Variants in DLGAP1 observed in about 807,000 individuals in gnomAD.
The protein encoded by DLGAP1 is DLG associated protein 1, also known as disks large-associated protein 1.
Under a neutral mutation model 90.8 loss-of-function variants are expected in DLGAP1, and 11 were observed. That is an observed-to-expected ratio of 0.12 (90% CI 0.08 to 0.20). The LOEUF is 0.20. DLGAP1 is among the 10% of genes least tolerant of loss of function. The pLI, the probability that DLGAP1 is intolerant of heterozygous loss-of-function variation, is 1.00. For missense variants in DLGAP1, 1,050 were observed against 1,333.8 expected (o/e 0.79, Z 3.31); for synonymous variants, 558 against 540.7 (o/e 1.03, Z -0.44).
In DLGAP1 at chr18:3,580,668, C is replaced by G. The variant is rs560913794; in HGVS notation, c.1965+1207G>C. 369 of 1,609,218 alleles carry G rather than the reference C, an allele frequency of 2.3e-4. 4 individuals carry two copies. The South Asian group carries it at 3.8e-3, about 17-fold the overall frequency. Reference sequence around the variant, plus strand: ...CCAGAGGCGAGGAGATTGCTGGGCCCGGCCCCTGAGGACGACGGTGGCCAC... The same window carrying G: ...CCAGAGGCGAGGAGATTGCTGGGCCGGGCCCCTGAGGACGACGGTGGCCAC... On this transcript the variant is annotated intron_variant, in intron 8 of 12. Coordinates refer to ENST00000315677, the MANE Select transcript of DLGAP1 (RefSeq NM_004746.4).
chr18:4,144,428 T>A (rs571118787), intron 2 of DLGAP1, among the ~76,000 whole-genome samples: 1 of 152,242 alleles, frequency 6.6e-6, no homozygotes, highest in Non-Finnish European at 1.5e-5. Flanking sequence ...AATCACTGTG[T>A]TCTCCCTCCC....
At chr18:3,762,887 G>A (rs1424145191) in intron 5 of DLGAP1, among the ~76,000 whole-genome samples, 2 of 152,164 alleles carry the variant, frequency 1.3e-5, no homozygotes, top group East Asian at 1.9e-4. Flanking sequence ...AAGGCACCCC[G>A]AATGATACTT....
chr18:3,780,950 C>T (rs2065162115), intron 5 of DLGAP1, among the ~76,000 whole-genome samples: 1 of 152,084 alleles, frequency 6.6e-6, no homozygotes, highest in Non-Finnish European at 1.5e-5. Context: ...GCTAGGACTA[C>T]AGACATGCAC....
chr18:3,756,809 G>A (rs145593733), intron 5 of DLGAP1, among the ~76,000 whole-genome samples: 438 of 151,976 alleles, frequency 2.9e-3, no homozygotes, highest in Non-Finnish European at 5.5e-3. Flanking sequence ...GATTGTAAGA[G>A]AATACTGAAG....
chr18:3,971,029 A>C (rs1174546110), intron 3 of DLGAP1, among the ~76,000 whole-genome samples: 2 of 152,266 alleles, frequency 1.3e-5, no homozygotes, highest in East Asian at 1.9e-4. Context: ...ACCACCTTCC[A>C]GTTTCACATC....
intron 7 of DLGAP1, among the ~76,000 whole-genome samples, chr18:3,618,759 A>C (rs2057980303): frequency 1.3e-5 from 2 of 149,630 alleles, no homozygotes; most frequent in African/African-American, 2.5e-5. Flanking sequence ...TAACACGGTG[A>C]AACCCCGTCT....
intron 1 of DLGAP1, among the ~76,000 whole-genome samples, chr18:4,437,863 A>T (rs2083439811): frequency 6.6e-6 from 1 of 151,930 alleles, no homozygotes; most frequent in South Asian, 2.1e-4. Context: ...ACAAATAGTA[A>T]TTAACATATA....
intron 1 of DLGAP1, among the ~76,000 whole-genome samples, chr18:4,261,767 T>C (rs2079007851): frequency 6.6e-6 from 1 of 152,166 alleles, no homozygotes; most frequent in Non-Finnish European, 1.5e-5. Context: ...TCGATGTTCC[T>C]CATGCTAAAA....
At chr18:3,884,356 T>A (rs1038177100) in intron 3 of DLGAP1, among the ~76,000 whole-genome samples, 3 of 152,224 alleles carry the variant, frequency 2.0e-5, no homozygotes, top group African/African-American at 7.2e-5. Context: ...TATGATCACA[T>A]ATAGTAGAAT....
intron 2 of DLGAP1, among the ~76,000 whole-genome samples, chr18:4,059,118 GC>G (rs1289057467): frequency 5.9e-5 from 9 of 152,188 alleles, no homozygotes; most frequent in South Asian, 2.1e-4. Context: ...TGAATAGGGG[GC>G]CCTCTGTGTG....
At chr18:4,115,784 C>T (rs1382823107) in intron 2 of DLGAP1, among the ~76,000 whole-genome samples, 2 of 152,182 alleles carry the variant, frequency 1.3e-5, no homozygotes, top group Non-Finnish European at 2.9e-5. Flanking sequence ...CATTTTCTTA[C>T]TGTGATATAG....
chr18:3,828,639 C>CAAAAAAAAAAAA (rs71368713), intron 4 of DLGAP1, among the ~76,000 whole-genome samples: 1 of 21,376 alleles, frequency 4.7e-5, no homozygotes, highest in African/African-American at 1.9e-4. Flanking sequence ...GACTCTATCT[C>CAAAAAAAAAAAA]AAAAAAAAAA....
chr18:3,808,938 A>G (rs1292094522), intron 5 of DLGAP1, among the ~76,000 whole-genome samples: 2 of 152,112 alleles, frequency 1.3e-5, no homozygotes, highest in African/African-American at 4.8e-5. Context: ...CACTCCATCT[A>G]CCTCTTCTCA....
At chr18:4,206,599 C>T (rs1181729587) in intron 1 of DLGAP1, among the ~76,000 whole-genome samples, 1 of 152,162 alleles carries the variant, frequency 6.6e-6, no homozygotes, top group Non-Finnish European at 1.5e-5. Flanking sequence ...GCATGCATGG[C>T]TCTGCCTACT....
Position 4,226,702 on chromosome 18 carries a change from T to C in DLGAP1, c.-266-75415A>G, listed in dbSNP as rs1218321038. On this transcript the variant is annotated intron_variant, in intron 1 of 12. Transcript: ENST00000315677. ...TAAACTCAAAAAAAAAAAAAAACAG[T>C]GTATACACAAAAAAATAGAAAGCAA... Among the ~76,000 whole-genome samples, 436 of 141,566 alleles carry C rather than the reference T, an allele frequency of 3.1e-3. 2 individuals carry two copies. The highest frequency in any genetic ancestry group is 0.011 in the African/African-American group (420 of 38,864). 92.9% of individuals were successfully genotyped at this position (141,566 alleles called of 152,430 possible).
intron 3 of DLGAP1, among the ~76,000 whole-genome samples, chr18:3,918,034 A>G (rs191346740): frequency 2.0e-5 from 3 of 152,280 alleles, no homozygotes; most frequent in Admixed American, 2.0e-4. Flanking sequence ...AAAAGAAAGG[A>G]ATCAGTTTTA....
At chr18:4,012,718 CTT>C (rs553319955) in intron 2 of DLGAP1, among the ~76,000 whole-genome samples, 42 of 141,832 alleles carry the variant, frequency 3.0e-4, no homozygotes, top group Admixed American at 3.5e-4. Context: ...TGCTCCTGTT[CTT>C]TTTTTTTTTT....
intron 1 of DLGAP1, among the ~76,000 whole-genome samples, chr18:4,220,824 TC>T: frequency 6.6e-6 from 1 of 152,274 alleles, no homozygotes; most frequent in Non-Finnish European, 1.5e-5. Context: ...CAGGGCCTCT[TC>T]TTACACAGCA....
chr18:3,839,955 C>T (rs1442784583), intron 4 of DLGAP1, among the ~76,000 whole-genome samples: 1 of 152,216 alleles, frequency 6.6e-6, no homozygotes, highest in African/African-American at 2.4e-5. Flanking sequence ...CATCACCTCC[C>T]TTCTCAAGGA....
Sources: gnomAD v4.1 joint callset for allele counts (sites outside exome capture counted in the v4.1 genomes callset) on GRCh38, gnomAD v4.1.1 for gene constraint, MANE v1.5 for transcripts, NCBI Gene and HGNC (gene_info 2026-07-23, HGNC 2026-07-21) for gene names.